Variants in PRKN observed in about 807,000 individuals in gnomAD.
The protein encoded by PRKN is E3 ubiquitin-protein ligase parkin.
PRKN carries 56 observed loss-of-function variants against 59.5 expected under a neutral mutation model. The observed-to-expected ratio is 0.94, with a 90% CI of 0.76 to 1.18. The LOEUF is 1.18. PRKN is among the 50% of genes most tolerant of loss of function. The pLI, the probability that PRKN is intolerant of heterozygous loss-of-function variation, is 0.00. For synonymous variants in PRKN, 250 were observed against 222.1 expected (o/e 1.13, Z -1.12); for missense variants, 657 against 596.4 (o/e 1.10, Z -1.06).
At chr6:162,291,709 T>G (rs1041929100) in intron 2 of PRKN, among the ~76,000 whole-genome samples, 5 of 152,152 alleles carry the variant, frequency 3.3e-5, no homozygotes, top group Admixed American at 1.3e-4. Context: ...CCCCTTTTCA[T>G]TTTTACCTTT....
At chr6:162,670,962 A>G (rs1313603703) in intron 1 of PRKN, among the ~76,000 whole-genome samples, 1 of 152,232 alleles carries the variant, frequency 6.6e-6, no homozygotes, top group African/African-American at 2.4e-5. Context: ...CAAGTAGGTG[A>G]TATCAATACC....
intron 7 of PRKN, among the ~76,000 whole-genome samples, chr6:161,652,065 C>T (rs916637940): frequency 4.6e-5 from 7 of 152,210 alleles, no homozygotes; most frequent in African/African-American, 1.7e-4. Context: ...TACCTAGTGT[C>T]AACTTGTTCT....
intron 7 of PRKN, among the ~76,000 whole-genome samples, chr6:161,634,261 T>C (rs1245686030): frequency 6.6e-6 from 1 of 152,170 alleles, no homozygotes. Flanking sequence ...ACACCCCTGG[T>C]GAGCGTCCCC....
chr6:162,411,596 C>T (rs1019785534), intron 2 of PRKN, among the ~76,000 whole-genome samples: 2 of 151,898 alleles, frequency 1.3e-5, no homozygotes, highest in South Asian at 2.1e-4. Context: ...ATTTAAATAC[C>T]ACCTGTAAGA....
In PRKN at chr6:162,556,345, GTGTGTGTGTGTGT is replaced by G. The variant is rs1562381809; in HGVS notation, c.8-112885_8-112873del. Among the ~76,000 whole-genome samples the G allele has an allele frequency of 4.6e-3, 233 of 50,802 alleles. 3 individuals carry two copies. Among genetic ancestry groups the G allele is most frequent in the Non-Finnish European group, 5.3e-3 (124 of 23,408 alleles). The allele number at this position is 50,802 out of a possible 152,430, so 33.3% of individuals were successfully genotyped here. A position where few individuals can be genotyped will look rare whatever the true frequency, so the allele number is the denominator to read the frequency against. On this transcript the variant is annotated intron_variant, in intron 1 of 11. Transcript: ENST00000366898. Reference sequence around the variant, plus strand: ...ACCAAGCAGTAACTACTCAGCTGGTGTGTGTGTGTGTGTGTGTGTGTGTGTGTGTGTGTGTGTG... The same window carrying G: ...ACCAAGCAGTAACTACTCAGCTGGTGGTGTGTGTGTGTGTGTGTGTGTGTG...
chr6:162,467,705 T>C (rs1791494088), intron 1 of PRKN, among the ~76,000 whole-genome samples: 1 of 152,104 alleles, frequency 6.6e-6, no homozygotes, highest in African/African-American at 2.4e-5. Flanking sequence ...TTTAAAGGCC[T>C]CAATGGCCTT....
chr6:162,513,372 CG>C (rs1777709939), intron 1 of PRKN, among the ~76,000 whole-genome samples: 1 of 151,652 alleles, frequency 6.6e-6, no homozygotes. Context: ...CCAGGTACTC[CG>C]GAGGCTGAGG....
At chr6:161,730,624 T>C (rs1180849607) in intron 7 of PRKN, among the ~76,000 whole-genome samples, 1 of 152,062 alleles carries the variant, frequency 6.6e-6, no homozygotes, top group Non-Finnish European at 1.5e-5. Context: ...CATTCTGATG[T>C]GTTGCATTCT....
At chr6:161,406,201 CATATACACATATATACAT>C (rs1191033651) in intron 9 of PRKN, among the ~76,000 whole-genome samples, 4 of 145,764 alleles carry the variant, frequency 2.7e-5, no homozygotes, top group African/African-American at 1.0e-4. Flanking sequence ...CACATATATA[CATATACACATATATACAT>C]ATATATATAT....
At chr6:162,632,539 G>A (rs533807689) in intron 1 of PRKN, among the ~76,000 whole-genome samples, 9 of 152,052 alleles carry the variant, frequency 5.9e-5, no homozygotes, top group East Asian at 1.9e-4. Flanking sequence ...ACTACCTATC[G>A]GCTACTATGC....
At chr6:161,729,391 C>T (rs568965692) in intron 7 of PRKN, among the ~76,000 whole-genome samples, 4 of 151,240 alleles carry the variant, frequency 2.6e-5, no homozygotes, top group African/African-American at 4.8e-5. Context: ...TTTTTTTTTG[C>T]GCATGTGTGT....
chr6:161,612,490 G>A (rs1306006700), intron 7 of PRKN, among the ~76,000 whole-genome samples: 2 of 152,126 alleles, frequency 1.3e-5, no homozygotes, highest in African/African-American at 2.4e-5. Context: ...GGAGGCCGAA[G>A]CAGGTGGATC....
chr6:162,646,883 T>C (rs2128225730), intron 1 of PRKN, among the ~76,000 whole-genome samples: 1 of 152,270 alleles, frequency 6.6e-6, no homozygotes, highest in East Asian at 1.9e-4. Flanking sequence ...AAACACAGTC[T>C]TATAATCTCA....
chr6:162,194,128 T>G (rs1784398685), intron 4 of PRKN, among the ~76,000 whole-genome samples: 1 of 152,174 alleles, frequency 6.6e-6, no homozygotes, highest in South Asian at 2.1e-4. Context: ...ATTTTGAAGT[T>G]TAGGTTATAT....
intron 6 of PRKN, among the ~76,000 whole-genome samples, chr6:161,840,107 T>A (rs1792922657): frequency 6.6e-6 from 1 of 152,216 alleles, no homozygotes; most frequent in Admixed American, 6.5e-5. Context: ...GGTTCAACCC[T>A]CAACACACAA....
chr6:162,306,679 C>A (rs539753121), intron 2 of PRKN, among the ~76,000 whole-genome samples: 2 of 152,138 alleles, frequency 1.3e-5, no homozygotes, highest in Non-Finnish European at 2.9e-5. Context: ...TCCGGTACTA[C>A]GCCAGGCAGT....
rs1377821063 is a variant in PRKN, at chr6:161,460,988, A to C, written c.1084-74111T>G. ...TGGCCAGGATGGTCTTGATCACCTG[A>C]CCTCATGATCTGCCTGCCTTGGCTT... On this transcript the variant is annotated intron_variant, in intron 9 of 11. Transcript: ENST00000366898. The surrounding 1 kb of genome is among the most constrained non-coding windows in gnomAD (Gnocchi z 5.0). Among the ~76,000 whole-genome samples, 1 of 151,464 alleles carries C rather than the reference A, an allele frequency of 6.6e-6. No individual in the cohort carries two copies. The highest frequency in any genetic ancestry group is 1.5e-5 in the Non-Finnish European group (1 of 67,892).
intron 1 of PRKN, among the ~76,000 whole-genome samples, chr6:162,501,939 T>C (rs80180570): frequency 0.16 from 24,498 of 152,036 alleles, 2,140 homozygotes; most frequent in Non-Finnish European, 0.18. Context: ...TATATTGATG[T>C]AATGTGGGAA....
intron 2 of PRKN, among the ~76,000 whole-genome samples, chr6:162,334,687 G>A (rs1468653810): frequency 6.6e-6 from 1 of 152,194 alleles, no homozygotes; most frequent in African/African-American, 2.4e-5. Context: ...TATTTAAGAA[G>A]TATATTTCAT....
Sources: gnomAD v4.1 joint callset for allele counts (sites outside exome capture counted in the v4.1 genomes callset) on GRCh38, gnomAD v4.1.1 for gene constraint, Gnocchi (gnomAD v3.1) non-coding constraint, MANE v1.5 for transcripts, NCBI Gene and HGNC (gene_info 2026-07-23, HGNC 2026-07-21) for gene names.